WNT7B: variants seen among roughly 807,000 people sequenced by gnomAD.
WNT7B encodes the protein protein Wnt-7b.
In WNT7B, 19 loss-of-function variants were observed where a neutral mutation model predicts 38.2. That is an observed-to-expected ratio of 0.50 (90% CI 0.35 to 0.73). The LOEUF (loss-of-function observed/expected upper bound fraction) is 0.73. Ranked by LOEUF, WNT7B falls within the 30% of genes least tolerant of loss-of-function variation. WNT7B has a pLI of 0.01. For synonymous variants in WNT7B, 243 were observed against 209.3 expected (o/e 1.16, Z -1.39); for missense variants, 423 against 507.9 (o/e 0.83, Z 1.61).
rs144607292 is a variant in WNT7B, at chr22:45,950,221, C to T, written c.72-75G>A. ...CTCCTCACCCCCAACACCTTTCCCC[C>T]ACTCAGCCTCTCAGTCACAGGCCCT... On this transcript the variant is annotated intron_variant, in intron 1 of 3. Transcript: ENST00000339464. 6.9e-6 allele frequency: 9 copies of T among 1,300,468 alleles called. No homozygotes were observed. In the Admixed American group the frequency reaches 1.6e-4, roughly 23 times the overall value. The allele number at this position is 1,300,468 out of a possible 1,614,324, so 80.6% of individuals were successfully genotyped here. A position where few individuals can be genotyped will look rare whatever the true frequency, so the allele number is the denominator to read the frequency against.
At chr22:45,939,077 G>T (rs1023988508) in intron 2 of WNT7B, among the ~76,000 whole-genome samples, 13 of 152,170 alleles carry the variant, frequency 8.5e-5, no homozygotes, top group African/African-American at 3.1e-4. Flanking sequence ...CACGCACTAG[G>T]AATAAAAGGC....
intron 1 of WNT7B, among the ~76,000 whole-genome samples, chr22:45,960,344 CTG>C (rs1932168247): frequency 6.6e-6 from 1 of 152,198 alleles, no homozygotes; most frequent in Non-Finnish European, 1.5e-5. Context: ...TGCCCAGACT[CTG>C]TGCTTGACCT....
At position 45,976,114 on chromosome 22, in the gene WNT7B, G is replaced by C. The variant is rs1486986179; in HGVS notation, c.71+570C>G. ...GGACCGAGCCCGAGGCGGCCCGGCC[G>C]GCCCCACGGCCCATCCCGAGCCAGC... is the stretch of plus-strand genomic sequence containing the variant. On this transcript the variant is annotated intron_variant, in intron 1 of 3. Transcript: ENST00000339464. This position sits in a 1 kb window ranked among gnomAD's most constrained non-coding sequence, Gnocchi z 8.5. The C allele has an allele frequency of 6.9e-6, 1 of 145,476 alleles. No homozygotes were observed. The highest frequency in any genetic ancestry group is 2.5e-5 in the African/African-American group (1 of 40,612). The allele number at this position is 145,476 out of a possible 1,614,324, so 9.0% of individuals were successfully genotyped here.
At chr22:45,959,170 G>T (rs945121787) in intron 1 of WNT7B, among the ~76,000 whole-genome samples, 2 of 152,150 alleles carry the variant, frequency 1.3e-5, no homozygotes, top group African/African-American at 4.8e-5. Flanking sequence ...CCCGACAGAG[G>T]CCCCGCCTGT....
chr22:45,935,303 T>A (rs1193302564), intron 2 of WNT7B, among the ~76,000 whole-genome samples: 1 of 152,166 alleles, frequency 6.6e-6, no homozygotes, highest in Non-Finnish European at 1.5e-5. Flanking sequence ...TCCAGTGCCT[T>A]GGCCTGGCCC....
At position 45,976,076 on chromosome 22, in the gene WNT7B, G is replaced by A. The variant is rs955529639; in HGVS notation, c.71+608C>T. On this transcript the variant is annotated intron_variant, in intron 1 of 3. Transcript: ENST00000339464. The surrounding 1 kb of genome is among the most constrained non-coding windows in gnomAD (Gnocchi z 8.5). ...CAGGGCCCAGGGCCCCGGGCGGGCG[G>A]GGCACGGGCCCCGGACCGAGCCCGA... The A allele has an allele frequency of 6.9e-6, 1 of 145,364 alleles. No homozygotes were observed. Among genetic ancestry groups the A allele is most frequent in the African/African-American group, 2.5e-5 (1 of 40,606 alleles). The allele number at this position is 145,364 out of a possible 1,614,324, so 9.0% of individuals were successfully genotyped here.
intron 2 of WNT7B, chr22:45,935,818 T>C: frequency 1.0e-6 from 1 of 985,354 alleles, no homozygotes; most frequent in Non-Finnish European, 1.2e-6. Flanking sequence ...AATAGGCCCA[T>C]GGCAGTGACG....
chr22:45,968,405 T>C (rs1932358665), intron 1 of WNT7B, among the ~76,000 whole-genome samples: 1 of 152,086 alleles, frequency 6.6e-6, no homozygotes, highest in Non-Finnish European at 1.5e-5. Flanking sequence ...GTGAGGTTTG[T>C]GCTCCCGTGA....
At position 45,976,291 on chromosome 22, in the gene WNT7B, C is replaced by T. The variant is rs554709236; in HGVS notation, c.71+393G>A. 1.6e-3 allele frequency among the ~76,000 whole-genome samples: 232 copies of T among 148,528 alleles called. 1 individual carries two copies. Among genetic ancestry groups the T allele is most frequent in the African/African-American group, 4.6e-3 (188 of 41,110 alleles). ...GCGCCGGACGCCCCCCGACCCCGCC[C>T]CGGCGCACCCTCCAGGCGGCGAGCG... On this transcript the variant is annotated intron_variant, in intron 1 of 3. Transcript: ENST00000339464. This position sits in a 1 kb window ranked among gnomAD's most constrained non-coding sequence, Gnocchi z 8.5.
At chr22:45,957,814 C>T (rs1219427725) in intron 1 of WNT7B, among the ~76,000 whole-genome samples, 2 of 151,920 alleles carry the variant, frequency 1.3e-5, no homozygotes, top group African/African-American at 4.8e-5. Context: ...TTCCTGCACA[C>T]ACGCTCCATG....
At chr22:45,925,699 G>C in intron 3 of WNT7B, 1 of 985,410 alleles carries the variant, frequency 1.0e-6, no homozygotes, top group Non-Finnish European at 1.2e-6. Flanking sequence ...CCCTGGCCCT[G>C]GCCACACGGC....
At chr22:45,943,161 TCC>T (rs144572677) in intron 2 of WNT7B, among the ~76,000 whole-genome samples, 1,809 of 152,234 alleles carry the variant, frequency 0.012, 38 homozygotes, top group African/African-American at 0.042. Flanking sequence ...TCTCTGTCCT[TCC>T]CCCCCTGTTT....
At chr22:45,957,682 CAAAAAAA>C (rs367797133) in intron 1 of WNT7B, among the ~76,000 whole-genome samples, 11 of 36,012 alleles carry the variant, frequency 3.1e-4, no homozygotes, top group South Asian at 1.3e-3. Context: ...GACTCCGTCT[CAAAAAAA>C]AAAAAAAAAA....
intron 2 of WNT7B, among the ~76,000 whole-genome samples, chr22:45,942,898 T>TGC (rs1244658911): frequency 6.1e-4 from 93 of 151,496 alleles, no homozygotes; most frequent in Non-Finnish European, 1.1e-3. Context: ...TGCGTGTGTG[T>TGC]GCGCGCGTGT....
At chr22:45,967,846 C>T (rs551736278) in intron 1 of WNT7B, among the ~76,000 whole-genome samples, 1 of 152,260 alleles carries the variant, frequency 6.6e-6, no homozygotes, top group Non-Finnish European at 1.5e-5. Flanking sequence ...TCATGATCAT[C>T]ACCTCGCCCC....
chr22:45,932,146 C>T (rs750772884), intron 2 of WNT7B, among the ~76,000 whole-genome samples: 6 of 152,054 alleles, frequency 3.9e-5, no homozygotes, highest in East Asian at 1.9e-4. Flanking sequence ...CCAGGTCCCT[C>T]GCTGGCACCT....
Position 45,976,648 on chromosome 22 carries a change from G to A in WNT7B, c.71+36C>T, listed in dbSNP as rs200793836. 15 of 1,594,634 alleles carry A rather than the reference G, an allele frequency of 9.4e-6. No homozygotes were observed. The East Asian group carries it at 3.4e-4, about 37-fold the overall frequency. ...GAGGCAGCTCCTTCGTGCTGTCTTG[G>A]CCCCTGGCTGCTGCCCTCGCCCACG... On this transcript the variant is annotated intron_variant, in intron 1 of 3. Transcript: ENST00000339464. This position sits in a 1 kb window ranked among gnomAD's most constrained non-coding sequence, Gnocchi z 8.5.
intron 3 of WNT7B, among the ~76,000 whole-genome samples, chr22:45,924,585 T>G (rs1601712864): frequency 6.6e-6 from 1 of 152,370 alleles, no homozygotes; most frequent in East Asian, 1.9e-4. Context: ...GGGTTCAACA[T>G]GAGCGAAGGT....
At position 45,976,764 on chromosome 22, in the gene WNT7B, AG is replaced by A. The variant is rs780648771; in HGVS notation, c.-11del. On this transcript the variant is annotated 5_prime_UTR_variant, in exon 1 of 4. Coordinates refer to ENST00000339464, the MANE Select transcript of WNT7B (RefSeq NM_058238.3). The surrounding 1 kb of genome is among the most constrained non-coding windows in gnomAD (Gnocchi z 8.5). ...GAAAGTTTCTGTGCATGATCCAGGG[AG>A]GGGGGCTGCGCCATAGACAGCGGCG... 6 of 1,603,848 alleles carry A rather than the reference AG, an allele frequency of 3.7e-6. No homozygotes were observed. Among genetic ancestry groups the A allele is most frequent in the East Asian group, 2.3e-5 (1 of 44,374 alleles).
Sources: allele counts gnomAD v4.1 joint callset (sites outside exome capture counted in the v4.1 genomes callset), GRCh38; gene constraint gnomAD v4.1.1; non-coding constraint Gnocchi (gnomAD v3.1); transcripts MANE v1.5; gene names NCBI Gene and HGNC (gene_info 2026-07-23, HGNC 2026-07-21).